Variants in STX8 observed in about 807,000 individuals in gnomAD.
STX8 encodes the protein syntaxin 8.
STX8 carries 23 observed loss-of-function variants against 37.5 expected under a neutral mutation model. The observed-to-expected ratio is 0.61, with a 90% CI of 0.44 to 0.87. The LOEUF (loss-of-function observed/expected upper bound fraction) is 0.87, where lower values mean the gene tolerates loss of function less well. STX8 is among the 40% of genes least tolerant of loss of function. The pLI, the probability that STX8 is intolerant of heterozygous loss-of-function variation, is 0.00. For missense variants in STX8, 313 were observed against 284.7 expected, an observed-to-expected ratio of 1.10 and a Z score of -0.71; for synonymous variants, 115 against 99.1, an observed-to-expected ratio of 1.16 and a Z score of -0.95.
chr17:9,408,511 A>G (rs1005932714), intron 6 of STX8, among the ~76,000 whole-genome samples: 2 of 152,140 alleles, frequency 1.3e-5, no homozygotes, highest in Admixed American at 6.6e-5. Context: ...CCATGTCTCA[A>G]TCAGACCACC....
chr17:9,526,946 G>T (rs896061400), intron 4 of STX8, among the ~76,000 whole-genome samples: 1 of 151,586 alleles, frequency 6.6e-6, no homozygotes, highest in East Asian at 1.9e-4. Flanking sequence ...TTGGGAGGCC[G>T]AGGCGGGTGG....
At chr17:9,353,449 G>A (rs1170166399) in intron 7 of STX8, among the ~76,000 whole-genome samples, 2 of 152,156 alleles carry the variant, frequency 1.3e-5, no homozygotes, top group Non-Finnish European at 2.9e-5. Flanking sequence ...GCTTTCAGTG[G>A]TTAAAGTGGG....
At chr17:9,489,475 G>C (rs919163815) in intron 6 of STX8, among the ~76,000 whole-genome samples, 1 of 152,084 alleles carries the variant, frequency 6.6e-6, no homozygotes, top group African/African-American at 2.4e-5. Flanking sequence ...TGGGAACTTA[G>C]TAAATCATCC....
intron 7 of STX8, among the ~76,000 whole-genome samples, chr17:9,251,137 G>T (rs1477306559): frequency 6.6e-6 from 1 of 152,226 alleles, no homozygotes; most frequent in Middle Eastern, 3.2e-3. Context: ...ACCGATAGAG[G>T]TGCTTGTTTT....
intron 6 of STX8, among the ~76,000 whole-genome samples, chr17:9,380,860 C>T (rs74959633): frequency 0.033 from 4,950 of 151,496 alleles, 166 homozygotes; most frequent in African/African-American, 0.088. Context: ...ATTACGGGTG[C>T]GCACCACCCG....
At chr17:9,429,590 C>A (rs1320946619) in intron 6 of STX8, among the ~76,000 whole-genome samples, 3 of 137,154 alleles carry the variant, frequency 2.2e-5, no homozygotes, top group Admixed American at 8.5e-5. Flanking sequence ...GTAGTCCCAG[C>A]TACTCGGGAG....
chr17:9,441,486 TAA>T (rs71135985), intron 6 of STX8, among the ~76,000 whole-genome samples: 104 of 131,880 alleles, frequency 7.9e-4, no homozygotes, highest in Middle Eastern at 3.9e-3. Flanking sequence ...AGACTCCATC[TAA>T]AAAAAAAAAA....
chr17:9,251,898 T>A (rs1378970072), intron 7 of STX8, among the ~76,000 whole-genome samples: 1 of 152,224 alleles, frequency 6.6e-6, no homozygotes, highest in African/African-American at 2.4e-5. Context: ...GTGCAGTGGC[T>A]CACACCTGTA....
chr17:9,575,672 G>C, intron 1 of STX8, 120 bp downstream of exon 1: 1 of 1,256,436 alleles, frequency 8.0e-7, no homozygotes, highest in East Asian at 2.6e-5. Flanking sequence ...GAAAGGTCTC[G>C]CTGCCCCTCC....
intron 6 of STX8, among the ~76,000 whole-genome samples, chr17:9,458,780 G>A (rs140261456): frequency 1.8e-4 from 27 of 152,054 alleles, no homozygotes; most frequent in Admixed American, 1.3e-3. Flanking sequence ...TTATATAGGC[G>A]TATCGGCCAG....
intron 6 of STX8, among the ~76,000 whole-genome samples, chr17:9,489,946 C>A (rs963435922): frequency 3.3e-5 from 5 of 152,076 alleles, no homozygotes; most frequent in African/African-American, 7.2e-5. Flanking sequence ...CCTCAGCCTG[C>A]CAAAGTGCTG....
chr17:9,347,578 C>G (rs1054432540), intron 7 of STX8, among the ~76,000 whole-genome samples: 5 of 152,122 alleles, frequency 3.3e-5, no homozygotes, highest in South Asian at 4.2e-4. Flanking sequence ...TGCAGTGGCA[C>G]GACGTCAGCT....
At chr17:9,486,429 G>A (rs1906600087) in intron 6 of STX8, among the ~76,000 whole-genome samples, 1 of 152,244 alleles carries the variant, frequency 6.6e-6, no homozygotes, top group Non-Finnish European at 1.5e-5. Flanking sequence ...TTGGTGTGAT[G>A]TCATCCATCA....
intron 7 of STX8, among the ~76,000 whole-genome samples, chr17:9,289,400 T>G (rs1031115690): frequency 6.6e-6 from 1 of 152,062 alleles, no homozygotes; most frequent in African/African-American, 2.4e-5. Context: ...AGTGCTGTCC[T>G]AGACAGCTAC....
At chr17:9,535,798 A>G (rs1315318029) in intron 4 of STX8, among the ~76,000 whole-genome samples, 2 of 152,158 alleles carry the variant, frequency 1.3e-5, no homozygotes, top group African/African-American at 4.8e-5. Context: ...TCCCTCTACT[A>G]TATTTTTGTA....
chr17:9,274,158 C>T (rs1000539846), intron 7 of STX8, among the ~76,000 whole-genome samples: 1 of 152,182 alleles, frequency 6.6e-6, no homozygotes, highest in Admixed American at 6.5e-5. Context: ...CATCCCTCCC[C>T]TCTGCATGTT....
intron 4 of STX8, among the ~76,000 whole-genome samples, chr17:9,539,091 G>C (rs1567602520): frequency 6.6e-6 from 1 of 152,128 alleles, no homozygotes; most frequent in Non-Finnish European, 1.5e-5. Flanking sequence ...TACTGCTTTA[G>C]AATAATGACC....
Position 9,507,235 on chromosome 17 carries a change from G to A in STX8, c.324-2073C>T, listed in dbSNP as rs891110945. On this transcript the variant is annotated intron_variant, in intron 4 of 7. Transcript: ENST00000306357. The surrounding 1 kb of genome is among the most constrained non-coding windows in gnomAD (Gnocchi z 4.0). ...CCCAAAGGCCCCACACCTCAATCAG[G>A]GCCTGAGAAACAACCCTGCAGGCTG... Among the ~76,000 whole-genome samples the A allele has an allele frequency of 2.7e-5, 4 of 150,598 alleles. No homozygotes were observed. Among genetic ancestry groups the A allele is most frequent in the African/African-American group, 9.8e-5 (4 of 40,822 alleles).
intron 6 of STX8, among the ~76,000 whole-genome samples, chr17:9,395,055 G>C (rs564704227): frequency 1.4e-5 from 2 of 146,708 alleles, no homozygotes; most frequent in South Asian, 4.3e-4. Flanking sequence ...CAGCCCAGGT[G>C]AAAGAGCAAG....
Sources: gnomAD v4.1 joint callset for allele counts (sites outside exome capture counted in the v4.1 genomes callset) on GRCh38, gnomAD v4.1.1 for gene constraint, Gnocchi (gnomAD v3.1) non-coding constraint, MANE v1.5 for transcripts, NCBI Gene and HGNC (gene_info 2026-07-23, HGNC 2026-07-21) for gene names.